Variants in CRACD observed in about 807,000 individuals in gnomAD.
CRACD encodes capping protein inhibiting regulator of actin dynamics, also known as capping protein-inhibiting regulator of actin dynamics.
Under a neutral mutation model 106.8 loss-of-function variants are expected in CRACD, and 56 were observed. The ratio of observed to expected loss-of-function variants is 0.52; its 90% CI spans 0.42 to 0.66. CRACD has a LOEUF of 0.66. Among genes scored for constraint, CRACD ranks in the 30% least tolerant of loss-of-function variants. The probability of loss-of-function intolerance (pLI) is 0.00; values close to 1 mark genes in which losing one functional copy is unlikely to be tolerated. For missense variants in CRACD, 1,730 were observed against 1,623.2 expected (o/e 1.07, Z -1.13); for synonymous variants, 754 against 670.8 (o/e 1.12, Z -1.92).
chr4:56,154,246 A>G (rs910606463), intron 1 of CRACD, among the ~76,000 whole-genome samples: 1 of 152,094 alleles, frequency 6.6e-6, no homozygotes, highest in African/African-American at 2.4e-5. Flanking sequence ...CAGGTGGATC[A>G]CTTGAGCCCC....
intron 1 of CRACD, among the ~76,000 whole-genome samples, chr4:56,089,427 G>A (rs1462440678): frequency 6.6e-6 from 1 of 152,084 alleles, no homozygotes; most frequent in South Asian, 2.1e-4. Context: ...TGCCGCCTAC[G>A]GCATTGCTTC....
intron 1 of CRACD, among the ~76,000 whole-genome samples, chr4:56,130,146 C>T (rs1017475131): frequency 1.2e-4 from 19 of 152,072 alleles, no homozygotes; most frequent in African/African-American, 4.6e-4. Context: ...TGGCACCCAC[C>T]TGTAGTCCCA....
intron 1 of CRACD, among the ~76,000 whole-genome samples, chr4:56,169,419 C>T (rs946281241): frequency 6.6e-6 from 1 of 152,126 alleles, no homozygotes. Context: ...GGTCCGTTTA[C>T]CTCCCATGCC....
In CRACD at chr4:56,327,520, ATGT is replaced by A. The variant is rs1746528527; in HGVS notation, c.3542-120_3542-118del. On this transcript the variant is annotated intron_variant, in intron 10 of 10. Transcript: ENST00000682029. ...CACAATGTATACATATTTCAAAACA[ATGT>A]TGTACATGACAAATACAGTTTGTCA... 3.6e-6 allele frequency: 3 copies of A among 824,142 alleles called. No individual in the cohort carries two copies. The East Asian group carries it at 7.7e-5, about 21-fold the overall frequency. 51.1% of individuals were successfully genotyped at this position (824,142 alleles called of 1,614,324 possible). A position where few individuals can be genotyped will look rare whatever the true frequency, so the allele number is the denominator to read the frequency against.
intron 1 of CRACD, among the ~76,000 whole-genome samples, chr4:56,090,164 A>C (rs892571427): frequency 1.3e-5 from 2 of 151,974 alleles, no homozygotes; most frequent in Non-Finnish European, 2.9e-5. Context: ...AAAAAAAAAA[A>C]AAACTGGCAG....
At chr4:56,065,161 C>T (rs1732416970) in intron 1 of CRACD, among the ~76,000 whole-genome samples, 2 of 152,012 alleles carry the variant, frequency 1.3e-5, no homozygotes, top group Admixed American at 1.3e-4. Context: ...GATCTCAGCT[C>T]ACTGCAACCT....
chr4:56,120,602 T>C (rs546197121), intron 1 of CRACD, among the ~76,000 whole-genome samples: 5 of 152,328 alleles, frequency 3.3e-5, no homozygotes, highest in Admixed American at 2.6e-4. Context: ...TAAATATCTT[T>C]ACCAACTTCT....
chr4:56,106,241 C>G (rs1733946256), intron 1 of CRACD, among the ~76,000 whole-genome samples: 1 of 152,180 alleles, frequency 6.6e-6, no homozygotes, highest in Non-Finnish European at 1.5e-5. Flanking sequence ...CACACTTCTT[C>G]AAGCTAAATC....
chr4:56,093,857 C>A (rs1733507310), intron 1 of CRACD, among the ~76,000 whole-genome samples: 1 of 152,150 alleles, frequency 6.6e-6, no homozygotes, highest in Non-Finnish European at 1.5e-5. Flanking sequence ...AACGCAAAGG[C>A]CTTTCCTTCT....
intron 8 of CRACD, among the ~76,000 whole-genome samples, chr4:56,317,202 G>T (rs1036585213): frequency 3.9e-5 from 6 of 152,172 alleles, no homozygotes; most frequent in Non-Finnish European, 8.8e-5. Flanking sequence ...TGCGCTCCTT[G>T]TCTGCCTCTG....
chr4:56,314,711 AGAG>A lies in CRACD; in HGVS notation c.1220_1222del (p.Glu407del), dbSNP rs778641457. On this transcript the variant is annotated inframe_deletion, in exon 8 of 11. Coordinates refer to ENST00000682029, the MANE Select transcript of CRACD (RefSeq NM_001393381.1). The surrounding 1 kb of genome is among the most constrained non-coding windows in gnomAD (Gnocchi z 4.4). ...GCGCGGAGGAGGAGGATCTGGGGGA[AGAG>A]GAGGAGGAGGGCCAGGCGCACCTGG... 25 of 1,562,558 alleles carry A rather than the reference AGAG, an allele frequency of 1.6e-5. No homozygotes were observed. The highest frequency in any genetic ancestry group is 2.0e-4 in the Middle Eastern group (1 of 5,092).
chr4:56,086,624 C>A (rs1733228335), intron 1 of CRACD, among the ~76,000 whole-genome samples: 1 of 152,098 alleles, frequency 6.6e-6, no homozygotes, highest in South Asian at 2.1e-4. Flanking sequence ...TCCAGTGCCC[C>A]ATTCTATTTG....
chr4:56,070,538 C>T lies in CRACD; in HGVS notation c.-336+21239C>T, dbSNP rs577143282. On this transcript the variant is annotated intron_variant, in intron 1 of 10. Coordinates refer to ENST00000682029, the MANE Select transcript of CRACD (RefSeq NM_001393381.1). Reference sequence around the variant, plus strand: ...TCCTGACCTCGTGATCCGCCCGCCTCGGCCTCCCAAAATGCTGGGATTACA... The same window carrying T: ...TCCTGACCTCGTGATCCGCCCGCCTTGGCCTCCCAAAATGCTGGGATTACA... 4.6e-5 allele frequency among the ~76,000 whole-genome samples: 7 copies of T among 152,310 alleles called. No individual in the cohort carries two copies. The South Asian group carries it at 8.3e-4, about 18-fold the overall frequency.
At chr4:56,214,949 G>A (rs960840102) in intron 2 of CRACD, among the ~76,000 whole-genome samples, 7 of 150,814 alleles carry the variant, frequency 4.6e-5, no homozygotes, top group African/African-American at 7.3e-5. Context: ...GGAGTGAGCC[G>A]AGATCGCACC....
intron 1 of CRACD, among the ~76,000 whole-genome samples, chr4:56,145,770 C>A (rs999839748): frequency 6.6e-6 from 1 of 151,950 alleles, no homozygotes; most frequent in South Asian, 2.1e-4. Flanking sequence ...GTGTGTGACT[C>A]CACACCCAGC....
intron 2 of CRACD, among the ~76,000 whole-genome samples, chr4:56,203,722 C>A (rs1737993281): frequency 6.6e-6 from 1 of 152,192 alleles, no homozygotes. Flanking sequence ...TTAATGAAAG[C>A]ACAGTGTGGA....
At chr4:56,196,867 T>G (rs1275864646) in intron 2 of CRACD, among the ~76,000 whole-genome samples, 1 of 152,158 alleles carries the variant, frequency 6.6e-6, no homozygotes, top group Non-Finnish European at 1.5e-5. Context: ...TAGAGGGCCA[T>G]CGAGAGGGAC....
At chr4:56,074,841 T>C (rs1224180146) in intron 1 of CRACD, among the ~76,000 whole-genome samples, 1 of 152,188 alleles carries the variant, frequency 6.6e-6, no homozygotes, top group African/African-American at 2.4e-5. Flanking sequence ...ATAGCTCTTA[T>C]TATTTTGAGA....
chr4:56,151,621 C>T (rs1353487908), intron 1 of CRACD, among the ~76,000 whole-genome samples: 1 of 152,018 alleles, frequency 6.6e-6, no homozygotes, highest in African/African-American at 2.4e-5. Context: ...CTACAAACCT[C>T]ATACAAGTTT....
Sources: allele counts gnomAD v4.1 joint callset (sites outside exome capture counted in the v4.1 genomes callset), GRCh38; gene constraint gnomAD v4.1.1; non-coding constraint Gnocchi (gnomAD v3.1); transcripts MANE v1.5; gene names NCBI Gene and HGNC (gene_info 2026-07-23, HGNC 2026-07-21).